Variants in TSHZ2 observed in about 807,000 individuals in gnomAD.
TSHZ2 encodes the protein teashirt homolog 2.
In TSHZ2, 21 loss-of-function variants were observed where a neutral mutation model predicts 74.4. The ratio of observed to expected loss-of-function variants is 0.28; its 90% CI spans 0.20 to 0.41. The LOEUF (loss-of-function observed/expected upper bound fraction) is 0.41, where lower values mean the gene tolerates loss of function less well. Ranked by LOEUF, TSHZ2 falls within the 10% of genes least tolerant of loss-of-function variation. The pLI is 1.00. For missense variants in TSHZ2, 1,244 were observed against 1,293.5 expected (o/e 0.96, Z 0.59); for synonymous variants, 540 against 515.3 (o/e 1.05, Z -0.65).
At chr20:53,344,048 A>G (rs940021685) in intron 2 of TSHZ2, among the ~76,000 whole-genome samples, 1 of 152,108 alleles carries the variant, frequency 6.6e-6, no homozygotes, top group Non-Finnish European at 1.5e-5. Flanking sequence ...TCTCAAGCAA[A>G]ATTTAAAATG....
chr20:53,345,915 C>T (rs556354408), intron 2 of TSHZ2, among the ~76,000 whole-genome samples: 3 of 152,230 alleles, frequency 2.0e-5, no homozygotes, highest in Admixed American at 6.5e-5. Flanking sequence ...GGGGCCATGG[C>T]GCTGGCAAGA....
At chr20:53,090,262 G>GGGTCT (rs1284338084) in intron 1 of TSHZ2, among the ~76,000 whole-genome samples, 1 of 152,110 alleles carries the variant, frequency 6.6e-6, no homozygotes, top group Non-Finnish European at 1.5e-5. Flanking sequence ...GACTGAGGGT[G>GGGTCT]GGTCTGCCTC....
At chr20:53,449,527 G>A (rs1984689062) in intron 2 of TSHZ2, among the ~76,000 whole-genome samples, 1 of 152,178 alleles carries the variant, frequency 6.6e-6, no homozygotes, top group African/African-American at 2.4e-5. Context: ...GGGTAAGATA[G>A]ACAAATAAGT....
intron 1 of TSHZ2, chr20:53,178,990 T>C (rs1376253323): frequency 6.6e-6 from 1 of 152,216 alleles, no homozygotes; most frequent in Non-Finnish European, 1.5e-5. Flanking sequence ...ACATAAGCTG[T>C]AGTTTTAGTG....
chr20:53,284,274 T>C (rs1287475313), intron 2 of TSHZ2, among the ~76,000 whole-genome samples: 2 of 152,192 alleles, frequency 1.3e-5, no homozygotes, highest in Admixed American at 1.3e-4. Flanking sequence ...CAACCATCAG[T>C]GCAACTTAAG....
intron 1 of TSHZ2, among the ~76,000 whole-genome samples, chr20:53,189,391 A>G (rs1988676405): frequency 6.6e-6 from 1 of 152,216 alleles, no homozygotes; most frequent in African/African-American, 2.4e-5. Flanking sequence ...CTGTGCAAGA[A>G]ATATGGACTC....
chr20:53,028,845 G>T (rs776992573), intron 1 of TSHZ2, among the ~76,000 whole-genome samples: 13 of 152,176 alleles, frequency 8.5e-5, no homozygotes, highest in Non-Finnish European at 1.3e-4. Context: ...AAGGACCCAG[G>T]CAAGTTACAC....
chr20:53,309,066 CA>C (rs1978670420), intron 2 of TSHZ2, among the ~76,000 whole-genome samples: 1 of 152,206 alleles, frequency 6.6e-6, no homozygotes, highest in African/African-American at 2.4e-5. Context: ...CAAGACAGAG[CA>C]GAGTGCTCAC....
chr20:53,092,149 TC>T (rs1181022771), intron 1 of TSHZ2, among the ~76,000 whole-genome samples: 1 of 151,916 alleles, frequency 6.6e-6, no homozygotes, highest in African/African-American at 2.4e-5. Flanking sequence ...ACTCACAATA[TC>T]GTTTCCTTGT....
intron 1 of TSHZ2, among the ~76,000 whole-genome samples, chr20:53,146,717 A>G (rs1184659235): frequency 6.6e-6 from 1 of 152,206 alleles, no homozygotes; most frequent in African/African-American, 2.4e-5. Flanking sequence ...TAGGCTCCCC[A>G]TTGGTAGGCA....
intron 2 of TSHZ2, among the ~76,000 whole-genome samples, chr20:53,429,724 C>T (rs963396546): frequency 1.4e-4 from 22 of 152,310 alleles, no homozygotes; most frequent in African/African-American, 5.3e-4. Flanking sequence ...GGATTCCTGG[C>T]ACTTGATACC....
At chr20:52,992,968 C>A (rs1003685268) in intron 1 of TSHZ2, among the ~76,000 whole-genome samples, 35 of 152,196 alleles carry the variant, frequency 2.3e-4, no homozygotes, top group African/African-American at 8.4e-4. Flanking sequence ...CTTTTAGGTG[C>A]CCTCTCGATT....
rs576011225 is a variant in TSHZ2 at position 53,216,619 on chromosome 20, C to T, written c.41-36880C>T. Among the ~76,000 whole-genome samples the T allele has an allele frequency of 1.7e-3, 265 of 152,356 alleles. 1 individual carries two copies. Among genetic ancestry groups the T allele is most frequent in the African/African-American group, 5.0e-3 (209 of 41,582 alleles). On this transcript the variant is annotated intron_variant, in intron 1 of 2. Coordinates refer to ENST00000371497, the MANE Select transcript of TSHZ2 (RefSeq NM_173485.6). ...AAAATGCTGTGAAAAGCTCCTTGCACTGAGCTAGTTTCTCATCCCCTGATG... is the reference window on the plus strand; with the variant it reads ...AAAATGCTGTGAAAAGCTCCTTGCATTGAGCTAGTTTCTCATCCCCTGATG...
chr20:53,405,361 T>C (rs1450672558), intron 2 of TSHZ2, among the ~76,000 whole-genome samples: 1 of 152,184 alleles, frequency 6.6e-6, no homozygotes, highest in Non-Finnish European at 1.5e-5. Context: ...TATGATGATC[T>C]ATTAGGATTG....
At chr20:53,174,405 T>C (rs902193877) in intron 1 of TSHZ2, among the ~76,000 whole-genome samples, 7 of 152,234 alleles carry the variant, frequency 4.6e-5, no homozygotes, top group African/African-American at 1.7e-4. Context: ...TAAGTCTTGC[T>C]GTTTGTCAAA....
intron 1 of TSHZ2, among the ~76,000 whole-genome samples, chr20:53,071,780 C>T (rs1985182947): frequency 6.6e-6 from 1 of 152,150 alleles, no homozygotes; most frequent in Non-Finnish European, 1.5e-5. Context: ...TCCGTGAAGT[C>T]ATGTCCCCTG....
intron 1 of TSHZ2, among the ~76,000 whole-genome samples, chr20:53,246,858 C>T (rs1164535768): frequency 6.6e-6 from 1 of 152,204 alleles, no homozygotes; most frequent in African/African-American, 2.4e-5. Context: ...AAAGAAGCAA[C>T]AAGCGTACAT....
chr20:53,294,062 G>A (rs555111481), intron 2 of TSHZ2, among the ~76,000 whole-genome samples: 38 of 152,252 alleles, frequency 2.5e-4, no homozygotes, highest in African/African-American at 8.4e-4. Context: ...CTGATTTGCC[G>A]TGTTGACCAA....
At chr20:53,122,769 C>T (rs1415701668) in intron 1 of TSHZ2, among the ~76,000 whole-genome samples, 1 of 152,204 alleles carries the variant, frequency 6.6e-6, no homozygotes, top group African/African-American at 2.4e-5. Context: ...GGGATGTTGG[C>T]TTCCATTCAC....
Sources: allele counts gnomAD v4.1 joint callset (sites outside exome capture counted in the v4.1 genomes callset), GRCh38; gene constraint gnomAD v4.1.1; transcripts MANE v1.5; gene names NCBI Gene and HGNC (gene_info 2026-07-23, HGNC 2026-07-21).